The following TENM3 variants were observed in gnomAD, a reference collection of about 807,000 sequenced individuals.
TENM3 encodes the protein teneurin transmembrane protein 3.
Under a neutral mutation model 255.1 loss-of-function variants are expected in TENM3, and 63 were observed. The ratio of observed to expected loss-of-function variants is 0.25; its 90% CI spans 0.20 to 0.30. The LOEUF is 0.30. Among genes scored for constraint, TENM3 ranks in the 10% least tolerant of loss-of-function variants. TENM3 has a pLI of 1.00. For synonymous variants in TENM3, 1,306 were observed against 1,322.3 expected, an observed-to-expected ratio of 0.99 and a Z score of 0.27; for missense variants, 2,929 against 3,461.1, an observed-to-expected ratio of 0.85 and a Z score of 3.86.
chr4:182,146,443 A>G (rs539342308), intron 1 of TENM3, among the ~76,000 whole-genome samples: 8 of 152,194 alleles, frequency 5.3e-5, no homozygotes, highest in Admixed American at 2.0e-4. Flanking sequence ...CTTCAAAGAT[A>G]GGAGTTTATA....
chr4:182,358,552 T>A (rs1297041533), intron 3 of TENM3, among the ~76,000 whole-genome samples: 1 of 152,158 alleles, frequency 6.6e-6, no homozygotes, highest in Non-Finnish European at 1.5e-5. Flanking sequence ...TGCTTGTGAT[T>A]TTTGTAGATT....
the TENM3 span, among the ~76,000 whole-genome samples, chr4:181,676,819 G>A: frequency 6.6e-6 from 1 of 151,998 alleles, no homozygotes; most frequent in African/African-American, 2.4e-5. Context: ...GATTCACTTT[G>A]ATAACTCTCC....
the TENM3 span, among the ~76,000 whole-genome samples, chr4:181,944,784 G>A: frequency 6.6e-6 from 1 of 152,012 alleles, no homozygotes; most frequent in Admixed American, 6.5e-5. Flanking sequence ...TTTGCAGACA[G>A]AGCCTGGGTC....
At chr4:182,707,153 G>A (rs1303354556) in intron 12 of TENM3, among the ~76,000 whole-genome samples, 2 of 152,074 alleles carry the variant, frequency 1.3e-5, no homozygotes, top group Non-Finnish European at 2.9e-5. Flanking sequence ...ATTCTTGATT[G>A]TTCTCTTTTC....
intron 1 of TENM3, among the ~76,000 whole-genome samples, chr4:182,285,822 G>C (rs989864856): frequency 5.9e-5 from 9 of 151,806 alleles, no homozygotes; most frequent in Admixed American, 2.0e-4. Context: ...TTCAGAGATG[G>C]ACCAAGGCTG....
At chr4:182,277,048 C>T (rs962274220) in intron 1 of TENM3, among the ~76,000 whole-genome samples, 1 of 152,222 alleles carries the variant, frequency 6.6e-6, no homozygotes, top group African/African-American at 2.4e-5. Context: ...ATGTCTACGT[C>T]TGAACAAAAT....
the TENM3 span, among the ~76,000 whole-genome samples, chr4:181,473,107 T>C: frequency 0.12 from 16,803 of 145,740 alleles, 1,093 homozygotes; most frequent in East Asian, 0.19. Context: ...TTAAACATTT[T>C]CATTTATTTC....
chr4:181,702,426 C>T, the TENM3 span, among the ~76,000 whole-genome samples: 3 of 152,180 alleles, frequency 2.0e-5, no homozygotes, highest in African/African-American at 7.2e-5. Context: ...TATCAAACTC[C>T]ACTTCTCAAA....
At chr4:182,714,821 A>T (rs1759029126) in intron 13 of TENM3, among the ~76,000 whole-genome samples, 1 of 152,170 alleles carries the variant, frequency 6.6e-6, no homozygotes, top group Non-Finnish European at 1.5e-5. Context: ...ATTTCAGGGA[A>T]TAGAGTGAGA....
intron 16 of TENM3, 57 bp downstream of exon 16, chr4:182,731,196 C>T (rs1184111312): frequency 3.2e-6 from 5 of 1,557,048 alleles, no homozygotes; most frequent in Admixed American, 1.7e-5. Context: ...TCATGTTTTG[C>T]CAGAGAATCT....
chr4:182,126,286 T>C, the TENM3 span, among the ~76,000 whole-genome samples: 2 of 152,004 alleles, frequency 1.3e-5, no homozygotes, highest in Non-Finnish European at 1.5e-5. Flanking sequence ...ATCCCAGAGA[T>C]GTACAAAAAA....
the TENM3 span, among the ~76,000 whole-genome samples, chr4:181,775,895 C>T: frequency 6.6e-6 from 1 of 152,092 alleles, no homozygotes; most frequent in East Asian, 1.9e-4. Context: ...ATCAATCACT[C>T]GTGTATTTAT....
the TENM3 span, among the ~76,000 whole-genome samples, chr4:181,961,134 G>A: frequency 6.6e-5 from 10 of 152,208 alleles, no homozygotes; most frequent in African/African-American, 2.2e-4. Flanking sequence ...TAAAATAATT[G>A]GAACCACTGT....
At chr4:182,309,329 G>A (rs1393913941) in intron 1 of TENM3, among the ~76,000 whole-genome samples, 1 of 152,212 alleles carries the variant, frequency 6.6e-6, no homozygotes, top group East Asian at 1.9e-4. Context: ...GAGCTGTCTG[G>A]TGGGCAGTAG....
At chr4:181,653,927 C>T in the TENM3 span, among the ~76,000 whole-genome samples, 1,157 of 151,892 alleles carry the variant, frequency 7.6e-3, 11 homozygotes, top group Non-Finnish European at 0.012. Flanking sequence ...TGCGTTCTCA[C>T]AGTCTAGTGT....
At chr4:181,778,868 C>T in the TENM3 span, among the ~76,000 whole-genome samples, 1 of 151,946 alleles carries the variant, frequency 6.6e-6, no homozygotes, top group Non-Finnish European at 1.5e-5. Context: ...TTGGGTGTAT[C>T]GGTTCAAATA....
At chr4:182,144,469 G>A (rs200085316), upstream of TENM3, 2 of 151,766 alleles carry the variant, frequency 1.3e-5, no homozygotes, top group African/African-American at 4.8e-5. Flanking sequence ...CGGGGAGAGG[G>A]GGAGCGCGGG....
At chr4:182,006,448 G>T in the TENM3 span, among the ~76,000 whole-genome samples, 1 of 152,110 alleles carries the variant, frequency 6.6e-6, no homozygotes, top group African/African-American at 2.4e-5. Flanking sequence ...TGCAGGCTTA[G>T]TCTTGGTAGG....
At chr4:182,108,541 T>A in the TENM3 span, among the ~76,000 whole-genome samples, 1 of 152,154 alleles carries the variant, frequency 6.6e-6, no homozygotes, top group East Asian at 1.9e-4. Context: ...TCTACACTAA[T>A]CTAAGCATTT....
Sources: gnomAD v4.1 joint callset for allele counts (sites outside exome capture counted in the v4.1 genomes callset) on GRCh38, gnomAD v4.1.1 for gene constraint, MANE v1.5 for transcripts, NCBI Gene and HGNC (gene_info 2026-07-23, HGNC 2026-07-21) for gene names.